RBFOX1: variants seen among roughly 807,000 people sequenced by gnomAD.
RBFOX1 encodes the protein RNA binding fox-1 homolog 1.
A neutral mutation model predicts 57.7 loss-of-function variants in RBFOX1; 8 were observed. The observed-to-expected ratio is 0.14, with a 90% CI of 0.08 to 0.25. RBFOX1 has a LOEUF of 0.25. RBFOX1 is among the 10% of genes least tolerant of loss of function. The pLI, the probability that RBFOX1 is intolerant of heterozygous loss-of-function variation, is 1.00. For missense variants in RBFOX1, 611 were observed against 548.5 expected (o/e 1.11, Z -1.14); for synonymous variants, 326 against 222.4 (o/e 1.47, Z -4.15).
At chr16:7,240,226 C>G (rs2093987562) in intron 4 of RBFOX1, among the ~76,000 whole-genome samples, 1 of 152,112 alleles carries the variant, frequency 6.6e-6, no homozygotes, top group African/African-American at 2.4e-5. Context: ...CTCGGCCTCC[C>G]AAACTGCTGG....
At chr16:7,041,744 G>T (rs1469516478) in intron 3 of RBFOX1, among the ~76,000 whole-genome samples, 1 of 152,192 alleles carries the variant, frequency 6.6e-6, no homozygotes, top group African/African-American at 2.4e-5. Flanking sequence ...ACAAAGCCAG[G>T]ATTTGGACCC....
rs567599832 is a variant in RBFOX1, at chr16:5,850,698, G to C, written c.319-16605G>C. Among the ~76,000 whole-genome samples, 117 of 152,296 alleles carry C rather than the reference G, an allele frequency of 7.7e-4. 2 individuals carry two copies. In the South Asian group the frequency reaches 0.018, roughly 23 times the overall value. On this transcript the variant is annotated intron_variant, in intron 3 of 19. Transcript: ENST00000641259. The stretch of plus-strand genomic sequence containing the variant: ...GAGGAAACTGAGGCTCAGAGAACTG[G>C]AGCATTGCCTCGGTTTGCACAGAGA...
intron 2 of RBFOX1, among the ~76,000 whole-genome samples, chr16:6,485,307 G>C (rs1427121438): frequency 6.6e-6 from 1 of 152,124 alleles, no homozygotes; most frequent in Admixed American, 6.5e-5. Flanking sequence ...TGAGGAATGA[G>C]GTAGGGGGAC....
chr16:6,378,210 C>A lies in RBFOX1; in HGVS notation c.-64+61153C>A, dbSNP rs1035963321. On this transcript the variant is annotated intron_variant, in intron 2 of 15. Coordinates refer to ENST00000550418, the MANE Select transcript of RBFOX1 (RefSeq NM_018723.4). ...AGATGTTTGTCCTCGCCTCAGCTCC[C>A]TGCAGCCTTTGAGCTCCATCTGCCG... Among the ~76,000 whole-genome samples, 59 of 152,226 alleles carry A rather than the reference C, an allele frequency of 3.9e-4. 2 individuals are homozygous for A. The highest frequency in any genetic ancestry group is 1.5e-5 in the Non-Finnish European group (1 of 68,036).
intron 2 of RBFOX1, among the ~76,000 whole-genome samples, chr16:6,371,566 C>A (rs1010672914): frequency 3.3e-5 from 5 of 152,038 alleles, no homozygotes; most frequent in African/African-American, 9.7e-5. Context: ...TATTCCTTGG[C>A]ACCAGAAGAT....
chr16:5,919,777 T>G (rs572296569), intron 4 of RBFOX1, among the ~76,000 whole-genome samples: 1 of 152,294 alleles, frequency 6.6e-6, no homozygotes, highest in Non-Finnish European at 1.5e-5. Flanking sequence ...GACTCTGCAT[T>G]CCCCTTCTCC....
intron 1 of RBFOX1, among the ~76,000 whole-genome samples, chr16:6,250,451 A>G (rs1443136633): frequency 1.3e-5 from 2 of 152,166 alleles, no homozygotes; most frequent in African/African-American, 4.8e-5. Context: ...AAAGAAAATG[A>G]GCAATGCTAT....
At chr16:6,636,772 ATAATATATATAATATATAATATAT>A in intron 2 of RBFOX1, among the ~76,000 whole-genome samples, 1 of 11,116 alleles carries the variant, frequency 9.0e-5, no homozygotes, top group Admixed American at 1.7e-3. Context: ...TATATAATAT[ATAATATATATAATATATAATATAT>A]GTTATATATA....
rs181381849 is a variant in RBFOX1 at position 7,617,196 on chromosome 16, G to C, written c.676+9858G>C. ...CAAACAACTTATCACTGTAGGCACA[G>C]ATAGTGTTTTTGACTTTGTAATCCC... is the stretch of plus-strand genomic sequence containing the variant. On this transcript the variant is annotated intron_variant, in intron 10 of 15. Coordinates refer to ENST00000550418, the MANE Select transcript of RBFOX1 (RefSeq NM_018723.4). Among the ~76,000 whole-genome samples the C allele has an allele frequency of 3.9e-5, 6 of 152,246 alleles. No individual in the cohort carries two copies. The East Asian group carries it at 5.8e-4, about 15-fold the overall frequency.
chr16:5,937,401 G>A (rs1050135277), intron 4 of RBFOX1, among the ~76,000 whole-genome samples: 38 of 152,234 alleles, frequency 2.5e-4, no homozygotes, highest in Admixed American at 1.3e-3. Context: ...GAGTAGAGGC[G>A]TGAACCAAGT....
intron 3 of RBFOX1, among the ~76,000 whole-genome samples, chr16:6,707,222 C>G (rs1299377253): frequency 1.3e-5 from 2 of 152,144 alleles, no homozygotes; most frequent in Non-Finnish European, 2.9e-5. Flanking sequence ...TGAACCAGAT[C>G]AATACCAGCA....
At chr16:5,699,671 A>G (rs572155594) in intron 3 of RBFOX1, among the ~76,000 whole-genome samples, 29 of 152,304 alleles carry the variant, frequency 1.9e-4, no homozygotes, top group Admixed American at 4.6e-4. Context: ...ACTGGGATCT[A>G]GAGGATAGAA....
chr16:5,687,017 C>T (rs546729011), intron 3 of RBFOX1, among the ~76,000 whole-genome samples: 28 of 152,080 alleles, frequency 1.8e-4, no homozygotes, highest in Non-Finnish European at 2.9e-4. Context: ...ACCCATGCTG[C>T]GTTGGGATCT....
At chr16:7,677,380 C>T (rs930298148) in intron 14 of RBFOX1, among the ~76,000 whole-genome samples, 1 of 152,134 alleles carries the variant, frequency 6.6e-6, no homozygotes, top group South Asian at 2.1e-4. Context: ...TTGATTCTTT[C>T]TAGCAATGCC....
chr16:7,434,344 C>A (rs1453212432), intron 4 of RBFOX1, among the ~76,000 whole-genome samples: 1 of 151,848 alleles, frequency 6.6e-6, no homozygotes. Flanking sequence ...CAGTGGCGGG[C>A]GCCAGTAGTC....
At chr16:6,498,041 G>C (rs1033780587) in intron 2 of RBFOX1, among the ~76,000 whole-genome samples, 4 of 151,966 alleles carry the variant, frequency 2.6e-5, no homozygotes, top group African/African-American at 2.4e-5. Context: ...CTAAGGTCAA[G>C]AGTTTGAGAC....
intron 1 of RBFOX1, among the ~76,000 whole-genome samples, chr16:5,256,026 CATT>C (rs2062583338): frequency 6.6e-6 from 1 of 151,974 alleles, no homozygotes. Flanking sequence ...TTTTACTATT[CATT>C]ATTATTCTTG....
At chr16:7,371,524 C>T (rs1022353339) in intron 4 of RBFOX1, among the ~76,000 whole-genome samples, 64 of 152,174 alleles carry the variant, frequency 4.2e-4, no homozygotes, top group East Asian at 1.6e-3. Flanking sequence ...ATGAGGCAGG[C>T]GGATAACCTG....
chr16:7,457,511 T>C (rs2058755775), intron 4 of RBFOX1, among the ~76,000 whole-genome samples: 1 of 152,188 alleles, frequency 6.6e-6, no homozygotes, highest in South Asian at 2.1e-4. Flanking sequence ...TTTACTTAAG[T>C]GGTGAGATGT....
Sources: gnomAD v4.1 joint callset for allele counts (sites outside exome capture counted in the v4.1 genomes callset) on GRCh38, gnomAD v4.1.1 for gene constraint, MANE v1.5 for transcripts, NCBI Gene and HGNC (gene_info 2026-07-23, HGNC 2026-07-21) for gene names.